The following EIF3D variants were observed in gnomAD, a reference collection of about 807,000 sequenced individuals.
EIF3D encodes eIF3 p66.
Under a neutral mutation model 75.4 loss-of-function variants are expected in EIF3D, and 10 were observed. The observed-to-expected ratio is 0.13, with a 90% CI of 0.08 to 0.22. The LOEUF is 0.22. Among genes scored for constraint, EIF3D ranks in the 10% least tolerant of loss-of-function variants. EIF3D has a pLI of 1.00. For missense variants in EIF3D, 394 were observed against 708.0 expected (o/e 0.56, Z 5.03); for synonymous variants, 246 against 248.3 (o/e 0.99, Z 0.09).
At position 36,511,618 on chromosome 22, in the gene EIF3D, G is replaced by T. The variant is rs114744232; in HGVS notation, c.1518C>A (p.Tyr506Ter). The change falls in exon 14 of 15, where the codon TAC (tyrosine) becomes TAA (stop). Residue 506 changes from tyrosine (Y) to a stop codon, truncating the protein, a stop_gained. Coordinates refer to ENST00000216190, the MANE Select transcript of EIF3D (RefSeq NM_003753.4). LOFTEE classifies it high-confidence loss of function. ...DICMKLEEGK[Y>*]LILKDPNKQV... ...GCTTGTTGGGGTCCTTGAGGATGAG[G>T]TATTTGCCCTCCTCCAGCTTCATGC... 1 of 1,613,998 alleles carries T rather than the reference G, an allele frequency of 6.2e-7. No homozygotes were observed. The highest frequency in any genetic ancestry group is 1.1e-5 in the South Asian group (1 of 91,090).
At chr22:36,517,561 G>T in intron 9 of EIF3D, 130 bp from the exon 10 acceptor site, 1 of 1,108,968 alleles carries the variant, frequency 9.0e-7, no homozygotes, top group Non-Finnish European at 1.2e-6. Flanking sequence ...CTCCTAAAGT[G>T]GGTCTCCCTG....
chr22:36,521,588 T>C (rs140764802), intron 6 of EIF3D, among the ~76,000 whole-genome samples: 114 of 152,020 alleles, frequency 7.5e-4, no homozygotes, highest in African/African-American at 2.6e-3. Flanking sequence ...CAAAACAACA[T>C]GATGTATAAT....
At chr22:36,511,243 A>C in intron 14 of EIF3D, 1 of 817,830 alleles carries the variant, frequency 1.2e-6, no homozygotes, top group Non-Finnish European at 1.8e-6. Context: ...CACCGGCTTC[A>C]ATCTGGGACT....
At chr22:36,523,184 C>T in intron 6 of EIF3D, 25 bp downstream of exon 6, 2 of 1,599,128 alleles carry the variant, frequency 1.3e-6, no homozygotes, top group Non-Finnish European at 8.6e-7. Context: ...AATTCCAAGG[C>T]AGAATTCTGG....
At chr22:36,521,002 C>A (rs2145875293) in intron 6 of EIF3D, among the ~76,000 whole-genome samples, 1 of 152,246 alleles carries the variant, frequency 6.6e-6, no homozygotes, top group Non-Finnish European at 1.5e-5. Context: ...GAGTTCGAGA[C>A]CAGCCTGTCC....
intron 10 of EIF3D, chr22:36,517,031 A>G (rs1258115407): frequency 1.6e-6 from 1 of 612,726 alleles, no homozygotes; most frequent in Non-Finnish European, 2.9e-6. Flanking sequence ...TTGCCATGGC[A>G]TATATTCACC....
At chr22:36,517,886 T>TAA (rs1437930762) in intron 9 of EIF3D, among the ~76,000 whole-genome samples, 2 of 152,054 alleles carry the variant, frequency 1.3e-5, no homozygotes, top group Non-Finnish European at 2.9e-5. Context: ...TAGCTGGGAT[T>TAA]ACATGTGTCC....
At chr22:36,523,800 TG>T in intron 5 of EIF3D, 94 bp downstream of exon 5, 1 of 1,157,430 alleles carries the variant, frequency 8.6e-7, no homozygotes, top group Non-Finnish European at 1.3e-6. Context: ...TTTGCAGTGG[TG>T]GGGAATACAA....
chr22:36,517,149 C>A, intron 10 of EIF3D, 152 bp downstream of exon 10: 1 of 1,022,500 alleles, frequency 9.8e-7, no homozygotes, highest in Non-Finnish European at 1.4e-6. Flanking sequence ...AGCCTAACAT[C>A]CAAGCCCAGG....
intron 8 of EIF3D, 46 bp from the exon 9 acceptor site, chr22:36,518,956 C>G: frequency 6.2e-7 from 1 of 1,604,520 alleles, no homozygotes; most frequent in Non-Finnish European, 8.5e-7. Context: ...ACTCCCAGGT[C>G]TCACTGCCCA....
intron 10 of EIF3D, 153 bp from the exon 11 acceptor site, chr22:36,516,943 C>G: frequency 2.9e-6 from 2 of 697,660 alleles, no homozygotes; most frequent in South Asian, 1.7e-5. Flanking sequence ...TTTGTGCCTA[C>G]TTGACCCCTC....
At chr22:36,521,834 G>C (rs1267727119) in intron 6 of EIF3D, among the ~76,000 whole-genome samples, 4 of 151,842 alleles carry the variant, frequency 2.6e-5, no homozygotes, top group Non-Finnish European at 5.9e-5. Context: ...CTACCTGGGA[G>C]GCTGAGGTGT....
rs1934443051 is a variant in EIF3D at position 36,517,279 on chromosome 22, G to A, written c.990+22C>T. 7.4e-6 allele frequency: 12 copies of A among 1,613,540 alleles called. No homozygotes were observed. The East Asian group carries it at 2.5e-4, about 33-fold the overall frequency. ...GCTGATTAAATAAGAATGAATCAAT[G>A]CCCAGAGACTCGTTTCCTCACCATT... is the stretch of plus-strand genomic sequence containing the variant. On this transcript the variant is annotated intron_variant, in intron 10 of 14. Coordinates refer to ENST00000216190, the MANE Select transcript of EIF3D (RefSeq NM_003753.4).
At chr22:36,519,236 G>A (rs1259686393) in intron 8 of EIF3D, among the ~76,000 whole-genome samples, 169 bp downstream of exon 8, 1 of 152,180 alleles carries the variant, frequency 6.6e-6, no homozygotes, top group East Asian at 1.9e-4. Flanking sequence ...GGCAGAACTG[G>A]GCTTCAAGTC....
rs1934500418 is a variant in EIF3D at position 36,520,771 on chromosome 22, C to T, written c.466-83G>A. The stretch of plus-strand genomic sequence containing the variant: ...AAAGACAGGCTAAAAATATGAAGAG[C>T]TGGCCTGGTGCAGTGGCTCATGCCT... On this transcript the variant is annotated intron_variant, in intron 6 of 14. Transcript: ENST00000216190. 3.1e-6 allele frequency: 3 copies of T among 958,364 alleles called. No individual in the cohort carries two copies. The Admixed American group carries it at 6.8e-5, about 22-fold the overall frequency. 59.4% of individuals were successfully genotyped at this position (958,364 alleles called of 1,614,324 possible).
intron 13 of EIF3D, 105 bp from the exon 14 acceptor site, chr22:36,511,891 T>TTTC: frequency 7.1e-7 from 1 of 1,402,394 alleles, no homozygotes; most frequent in Non-Finnish European, 9.3e-7. Context: ...ACTGCTATTT[T>TTTC]TTCTTTTTTT....
In EIF3D at chr22:36,516,295, GCT is replaced by G. The variant is rs1383957751; in HGVS notation, c.1206+181_1206+182del. On this transcript the variant is annotated intron_variant, in intron 12 of 14. Coordinates refer to ENST00000216190, the MANE Select transcript of EIF3D (RefSeq NM_003753.4). ...AACATAGTTCTACACACACAGTCAT[GCT>G]CTTTCTCAGCAAGGAACTAAGCAGA... The G allele has an allele frequency of 6.0e-6, 4 of 664,356 alleles. No individual in the cohort carries two copies. The South Asian group carries it at 6.1e-5, about 10-fold the overall frequency. The allele number at this position is 664,356 out of a possible 1,614,324, so 41.2% of individuals were successfully genotyped here. A position where few individuals can be genotyped will look rare whatever the true frequency, so the allele number is the denominator to read the frequency against.
intron 3 of EIF3D, 58 bp downstream of exon 3, chr22:36,525,606 A>G (rs2145878890): frequency 1.3e-6 from 2 of 1,576,088 alleles, no homozygotes; most frequent in East Asian, 2.2e-5. Context: ...AGGTCATTAG[A>G]ATAAAGAACA....
At chr22:36,523,351 C>G (rs1251522560) in intron 5 of EIF3D, 70 bp from the exon 6 acceptor site, 6 of 1,202,686 alleles carry the variant, frequency 5.0e-6, no homozygotes, top group African/African-American at 4.6e-5. Context: ...GCACACGCTG[C>G]CATTCTCTTC....
Sources: allele counts gnomAD v4.1 joint callset (sites outside exome capture counted in the v4.1 genomes callset), GRCh38; gene constraint gnomAD v4.1.1; transcripts MANE v1.5; gene names NCBI Gene and HGNC (gene_info 2026-07-23, HGNC 2026-07-21).